Variants in CLSTN2 observed in about 807,000 individuals in gnomAD.
CLSTN2 encodes calsyntenin 2, also known as calsyntenin-2.
CLSTN2 carries 48 observed loss-of-function variants against 101.2 expected under a neutral mutation model. The ratio of observed to expected loss-of-function variants is 0.47; its 90% CI spans 0.38 to 0.60. The LOEUF is 0.60. CLSTN2 is among the 20% of genes least tolerant of loss of function. CLSTN2 has a pLI of 0.00. For synonymous variants in CLSTN2, 481 were observed against 463.6 expected (o/e 1.04, Z -0.48); for missense variants, 1,160 against 1,238.2 (o/e 0.94, Z 0.95).
intron 2 of CLSTN2, among the ~76,000 whole-genome samples, chr3:140,278,327 CT>C (rs1328145908): frequency 7.2e-6 from 1 of 139,116 alleles, no homozygotes; most frequent in Non-Finnish European, 1.5e-5. Flanking sequence ...TTTCCCAGTG[CT>C]TTTTGCTATT....
chr3:140,345,648 T>C (rs1046712696), intron 2 of CLSTN2, among the ~76,000 whole-genome samples: 9 of 144,052 alleles, frequency 6.2e-5, no homozygotes, highest in Non-Finnish European at 1.2e-4. Context: ...GCCAGAAGCA[T>C]GGAGCAGAAG....
intron 2 of CLSTN2, among the ~76,000 whole-genome samples, chr3:140,362,996 T>C (rs1010870314): frequency 1.3e-5 from 2 of 152,072 alleles, no homozygotes; most frequent in Non-Finnish European, 2.9e-5. Flanking sequence ...TCTAAGGATA[T>C]GAAAAATACA....
intron 8 of CLSTN2, among the ~76,000 whole-genome samples, chr3:140,497,627 G>A (rs544528547): frequency 3.0e-4 from 45 of 152,274 alleles, no homozygotes; most frequent in African/African-American, 1.0e-3. Context: ...ATGGAAGTGG[G>A]GTCCACAGAA....
chr3:140,136,996 T>C (rs1251608124), intron 1 of CLSTN2, among the ~76,000 whole-genome samples: 1 of 152,196 alleles, frequency 6.6e-6, no homozygotes, highest in Non-Finnish European at 1.5e-5. Flanking sequence ...TTTATCACAA[T>C]TGTAGCCTGC....
At chr3:140,214,579 C>A (rs549705118) in intron 2 of CLSTN2, among the ~76,000 whole-genome samples, 5 of 152,264 alleles carry the variant, frequency 3.3e-5, no homozygotes, top group East Asian at 3.9e-4. Flanking sequence ...CTCCAAGTAA[C>A]CTGGTCACAC....
chr3:140,328,567 C>T (rs1349893075), intron 2 of CLSTN2, among the ~76,000 whole-genome samples: 1 of 152,182 alleles, frequency 6.6e-6, no homozygotes, highest in Non-Finnish European at 1.5e-5. Flanking sequence ...GAGGCCTTCC[C>T]TCACAATACA....
At chr3:140,396,483 C>T (rs1410829629) in intron 2 of CLSTN2, among the ~76,000 whole-genome samples, 3 of 152,170 alleles carry the variant, frequency 2.0e-5, no homozygotes, top group Non-Finnish European at 4.4e-5. Context: ...AGAGAGCTAA[C>T]AATTACACAG....
chr3:140,184,670 T>TG (rs1317401237), intron 2 of CLSTN2, among the ~76,000 whole-genome samples: 2 of 152,084 alleles, frequency 1.3e-5, no homozygotes, highest in Non-Finnish European at 2.9e-5. Flanking sequence ...CTAAAGGGCG[T>TG]GGGGGGTAGG....
At position 140,195,650 on chromosome 3, in the gene CLSTN2, C is replaced by T. The variant is rs150915572; in HGVS notation, c.232+19577C>T. Reference sequence around the variant, plus strand: ...AATCCAGAGTTTTGTGTTGAATTTCCAAATGTATATTAAAAAGTAATTTAG... The same window carrying T: ...AATCCAGAGTTTTGTGTTGAATTTCTAAATGTATATTAAAAAGTAATTTAG... On this transcript the variant is annotated intron_variant, in intron 2 of 16. Coordinates refer to ENST00000458420, the MANE Select transcript of CLSTN2 (RefSeq NM_022131.3). Among the ~76,000 whole-genome samples the T allele has an allele frequency of 1.4e-4, 21 of 152,158 alleles. No individual in the cohort carries two copies. In the East Asian group the frequency reaches 4.1e-3, roughly 29 times the overall value.
chr3:140,436,545 G>A (rs1437549242), intron 5 of CLSTN2, among the ~76,000 whole-genome samples: 6 of 152,222 alleles, frequency 3.9e-5, no homozygotes, highest in South Asian at 2.1e-4. Context: ...AGGTCTCCTC[G>A]GGGAGAGCCC....
chr3:139,935,333 A>T lies in CLSTN2; in HGVS notation c.-42A>T. 1 of 1,101,252 alleles carries T rather than the reference A, an allele frequency of 9.1e-7. No individual in the cohort carries two copies. Among genetic ancestry groups the T allele is most frequent in the Non-Finnish European group, 1.1e-6 (1 of 871,314 alleles). The allele number at this position is 1,101,252 out of a possible 1,614,324, so 68.2% of individuals were successfully genotyped here. A position where few individuals can be genotyped will look rare whatever the true frequency, so the allele number is the denominator to read the frequency against. On this transcript the variant is annotated 5_prime_UTR_variant, in exon 1 of 17. Coordinates refer to ENST00000458420, the MANE Select transcript of CLSTN2 (RefSeq NM_022131.3). This position sits in a 1 kb window ranked among gnomAD's most constrained non-coding sequence, Gnocchi z 5.5. Reference sequence around the variant, plus strand: ...CACCGGGAGGCGAGAGCCGGCGCGGACAGTAGGCGGCGGCTGCAGCTCGTT... The same window carrying T: ...CACCGGGAGGCGAGAGCCGGCGCGGTCAGTAGGCGGCGGCTGCAGCTCGTT...
At chr3:140,511,523 G>A (rs1261488113) in intron 8 of CLSTN2, among the ~76,000 whole-genome samples, 2 of 141,254 alleles carry the variant, frequency 1.4e-5, no homozygotes, top group South Asian at 2.3e-4. Context: ...AACTGTGCCA[G>A]TATCTGCTGT....
rs1576550545 is a variant in CLSTN2, at chr3:140,404,775, C to G, written c.637+9C>G. ...TGCCATCGACAGAAATGGTGAGTGA[C>G]CTCAGAGGACCCCTGTGGGGTCAGG... On this transcript the variant is annotated intron_variant, in intron 4 of 16. Coordinates refer to ENST00000458420, the MANE Select transcript of CLSTN2 (RefSeq NM_022131.3). 2 of 1,612,584 alleles carry G rather than the reference C, an allele frequency of 1.2e-6. No homozygotes were observed. The highest frequency in any genetic ancestry group is 4.5e-5 in the East Asian group (2 of 44,860).
chr3:140,308,694 T>C (rs1368927697), intron 2 of CLSTN2, among the ~76,000 whole-genome samples: 1 of 152,234 alleles, frequency 6.6e-6, no homozygotes, highest in Non-Finnish European at 1.5e-5. Flanking sequence ...TTGACAGTGT[T>C]GACAGAAACC....
rs189995476 is a variant in CLSTN2, at chr3:140,365,900, A to G, written c.233-37729A>G. On this transcript the variant is annotated intron_variant, in intron 2 of 16. Coordinates refer to ENST00000458420, the MANE Select transcript of CLSTN2 (RefSeq NM_022131.3). ...ACAACCCCACACCCTGAGCTTGCATAGAGGGCCTCCCAAGGAGCTTGTATT... is the reference window on the plus strand; with the variant it reads ...ACAACCCCACACCCTGAGCTTGCATGGAGGGCCTCCCAAGGAGCTTGTATT... Among the ~76,000 whole-genome samples the G allele has an allele frequency of 3.9e-4, 59 of 152,336 alleles. 1 individual carries two copies. Among genetic ancestry groups the G allele is most frequent in the Non-Finnish European group, 1.6e-4 (11 of 68,034 alleles).
chr3:139,989,495 G>C (rs1365155), intron 1 of CLSTN2, among the ~76,000 whole-genome samples: 151,535 of 152,250 alleles, frequency 1, 75,415 homozygotes, highest in Middle Eastern at 1. Context: ...ACCAGTCTCC[G>C]CCACTCTCCA....
rs73867291 is a variant in CLSTN2 at position 140,081,405 on chromosome 3, G to A, written c.110-94546G>A. On this transcript the variant is annotated intron_variant, in intron 1 of 16. Transcript: ENST00000458420. ...TGCATGTTTGTCATTAGTATTCTGC[G>A]TGAAAAGTTAAACACTTGAAAGGGA... Among the ~76,000 whole-genome samples the A allele has an allele frequency of 1.6e-3, 238 of 152,282 alleles. 2 individuals are homozygous for A. Among genetic ancestry groups the A allele is most frequent in the African/African-American group, 5.5e-3 (227 of 41,560 alleles).
At chr3:140,470,781 G>A (rs949570775) in intron 8 of CLSTN2, among the ~76,000 whole-genome samples, 54 of 152,228 alleles carry the variant, frequency 3.5e-4, no homozygotes, top group African/African-American at 1.2e-3. Flanking sequence ...AACTCATGCG[G>A]GGCCATTGAA....
chr3:140,160,141 A>G (rs1329069361), intron 1 of CLSTN2, among the ~76,000 whole-genome samples: 2 of 152,150 alleles, frequency 1.3e-5, no homozygotes, highest in Non-Finnish European at 2.9e-5. Context: ...ACCTGCACAT[A>G]TACCCCGTGT....
Sources: allele counts gnomAD v4.1 joint callset (sites outside exome capture counted in the v4.1 genomes callset), GRCh38; gene constraint gnomAD v4.1.1; non-coding constraint Gnocchi (gnomAD v3.1); transcripts MANE v1.5; gene names NCBI Gene and HGNC (gene_info 2026-07-23, HGNC 2026-07-21).